SP100: variants seen among roughly 807,000 people sequenced by gnomAD.
SP100 encodes the protein SP100 nuclear body protein.
Under a neutral mutation model 130.0 loss-of-function variants are expected in SP100, and 84 were observed. The observed-to-expected ratio is 0.65, with a 90% CI of 0.54 to 0.77. SP100 has a LOEUF of 0.77. Among genes scored for constraint, SP100 ranks in the 30% least tolerant of loss-of-function variants. The pLI is 0.00. For missense variants in SP100, 978 were observed against 1,052.2 expected (o/e 0.93, Z 0.97); for synonymous variants, 331 against 351.7 (o/e 0.94, Z 0.66).
chr2:230,433,716 T>C (rs1436709565), intron 2 of SP100, among the ~76,000 whole-genome samples: 1 of 151,948 alleles, frequency 6.6e-6, no homozygotes, highest in Admixed American at 6.6e-5. Context: ...TTCAATTTAT[T>C]TTTAAATGTT....
chr2:230,440,007 AGAAG>A (rs940815709), intron 2 of SP100, among the ~76,000 whole-genome samples: 31 of 152,260 alleles, frequency 2.0e-4, no homozygotes, highest in African/African-American at 7.2e-4. Flanking sequence ...TCGAAAGGAA[AGAAG>A]GAAGGAAGGA....
At chr2:230,466,575 A>C (rs2064970468) in intron 12 of SP100, among the ~76,000 whole-genome samples, 1 of 152,218 alleles carries the variant, frequency 6.6e-6, no homozygotes, top group South Asian at 2.1e-4. Context: ...CAATGACCCC[A>C]ACACAACAGA....
chr2:230,461,536 G>C (rs2064634891), intron 9 of SP100, 122 bp downstream of exon 9: 1 of 932,736 alleles, frequency 1.1e-6, no homozygotes, highest in East Asian at 2.5e-5. Flanking sequence ...GGAAGGGAAA[G>C]GGGCTGGCAC....
chr2:230,531,263 T>C (rs914716493), intron 24 of SP100, among the ~76,000 whole-genome samples: 21 of 152,324 alleles, frequency 1.4e-4, no homozygotes, highest in Non-Finnish European at 2.6e-4. Flanking sequence ...GTTTGTGTCC[T>C]TTGCAGGGAC....
chr2:230,524,195 A>AAAAAAAAAAAAAAAAG (rs1559534582), intron 24 of SP100, among the ~76,000 whole-genome samples: 1 of 143,230 alleles, frequency 7.0e-6, no homozygotes. Context: ...AAAAAAAAAA[A>AAAAAAAAAAAAAAAAG]AAAAAAGAAA....
At chr2:230,421,553 CTA>C (rs3997231) in intron 2 of SP100, among the ~76,000 whole-genome samples, 83,747 of 147,692 alleles carry the variant, frequency 0.57, 24,016 homozygotes, top group African/African-American at 0.65. Flanking sequence ...TTGAGAGACA[CTA>C]TATATATATA....
chr2:230,429,341 T>C (rs1363812651), intron 2 of SP100, among the ~76,000 whole-genome samples: 1 of 152,220 alleles, frequency 6.6e-6, no homozygotes, highest in Non-Finnish European at 1.5e-5. Flanking sequence ...TTATGAGAGC[T>C]CTCTTATATG....
Position 230,539,341 on chromosome 2 carries a change from C to T in SP100, c.2169C>T (p.Ser723=). The T allele has an allele frequency of 6.2e-7, 1 of 1,613,918 alleles. No homozygotes were observed. Among genetic ancestry groups the T allele is most frequent in the Non-Finnish European group, 8.5e-7 (1 of 1,179,838 alleles). The change falls in exon 25 of 29, where the codon TCC becomes TCT. Residue 723 remains serine (S), a synonymous_variant. Transcript: ENST00000340126. Reference sequence around the variant, plus strand: ...TCTGCTGCGACACTTGTCCAAGATCCTTTCATGAGCACTGCCACATCCCAT... The same window carrying T: ...TCTGCTGCGACACTTGTCCAAGATCTTTTCATGAGCACTGCCACATCCCAT... ...RLFCCDTCPR[S]FHEHCHIPSV...
At chr2:230,431,547 T>C (rs1170347232) in intron 2 of SP100, among the ~76,000 whole-genome samples, 1 of 152,196 alleles carries the variant, frequency 6.6e-6, no homozygotes, top group Admixed American at 6.5e-5. Context: ...TATGGATAGT[T>C]GCTACTTAGT....
Position 230,504,233 on chromosome 2 carries a change from C to T in SP100, c.1813C>T (p.Leu605Phe). Residue 605 changes from leucine (L) to phenylalanine (F), a missense_variant, in exon 21 of 29, where the codon CTT becomes TTT. Physicochemically the swap from Leu to Phe is conservative, Grantham distance 22. Coordinates refer to ENST00000340126, the MANE Select transcript of SP100 (RefSeq NM_001080391.2). The stretch of plus-strand genomic sequence containing the variant: ...AAATATTAATTTTAAACAATCTGAA[C>T]TTCCTGTGACCTGTGGTGAGGTGAA... Reference protein sequence around the residue: ...DENINFKQSELPVTCGEVKGT... With the variant: ...DENINFKQSEFPVTCGEVKGT... The T allele has an allele frequency of 6.2e-7, 1 of 1,612,998 alleles. No individual in the cohort carries two copies. Among genetic ancestry groups the T allele is most frequent in the Non-Finnish European group, 8.5e-7 (1 of 1,179,216 alleles).
At chr2:230,419,572 T>A (rs1559477852) in intron 2 of SP100, among the ~76,000 whole-genome samples, 1 of 152,176 alleles carries the variant, frequency 6.6e-6, no homozygotes, top group Non-Finnish European at 1.5e-5. Context: ...TGAAATTTCC[T>A]GAAAGAAAAA....
Position 230,450,213 on chromosome 2 carries a change from G to A in SP100, c.778G>A (p.Ala260Thr), listed in dbSNP as rs1454197188. ...QIAVQVNNGD[A>T]GREMPCPLPC... ...TGCTGTCCAAGTGAATAATGGGGAT[G>A]CTGGAAGGGAGATGCCCTGCCCGTT... Residue 260 changes from alanine (A) to threonine (T), a missense_variant, in exon 8 of 29, where the codon GCT becomes ACT. Coordinates refer to ENST00000340126, the MANE Select transcript of SP100 (RefSeq NM_001080391.2). 2.5e-6 allele frequency: 4 copies of A among 1,613,990 alleles called. No individual in the cohort carries two copies. Among genetic ancestry groups the A allele is most frequent in the Non-Finnish European group, 3.4e-6 (4 of 1,179,908 alleles).
At position 230,511,153 on chromosome 2, in the gene SP100, T is replaced by G. The variant is rs756857828; in HGVS notation, c.2081T>G (p.Leu694Ter). Residue 694 changes from leucine to a stop codon, truncating the protein, a stop_gained, in exon 24 of 29, where the codon TTA (leucine) becomes TGA (stop). Transcript: ENST00000340126. LOFTEE classifies it high-confidence loss of function. Reference protein sequence around the residue: ...KRILESHNNTLVDPCPENSNI... With the variant: ...KRILESHNNT ...ATACTGGAATCTCACAACAATACCT[T>G]AGTTGACCCTTGTGTAAGTATAAAT... 3 of 1,609,362 alleles carry G rather than the reference T, an allele frequency of 1.9e-6. No homozygotes were observed. The East Asian group carries it at 6.7e-5, about 36-fold the overall frequency.
At chr2:230,521,902 G>A (rs535721143) in intron 24 of SP100, among the ~76,000 whole-genome samples, 2 of 152,150 alleles carry the variant, frequency 1.3e-5, no homozygotes, top group Non-Finnish European at 2.9e-5. Context: ...TCCTTTGTGG[G>A]CCCAGACAGC....
intron 24 of SP100, among the ~76,000 whole-genome samples, chr2:230,512,239 G>T (rs1445231645): frequency 1.4e-5 from 2 of 138,374 alleles, no homozygotes; most frequent in East Asian, 2.4e-4. Context: ...CACCAACAAA[G>T]TTGGGAGTAT....
intron 13 of SP100, 101 bp from the exon 14 acceptor site, chr2:230,468,942 A>G: frequency 1.5e-6 from 1 of 672,956 alleles, no homozygotes; most frequent in Non-Finnish European, 2.5e-6. Context: ...TGATCCTCAT[A>G]GAATATTTAT....
intron 2 of SP100, among the ~76,000 whole-genome samples, chr2:230,425,071 T>C (rs1209552661): frequency 6.6e-6 from 1 of 152,248 alleles, no homozygotes; most frequent in Non-Finnish European, 1.5e-5. Context: ...ATTTCATATA[T>C]GTTTATATTG....
intron 8 of SP100, 120 bp from the exon 9 acceptor site, chr2:230,461,142 C>A: frequency 2.2e-6 from 2 of 902,804 alleles, no homozygotes; most frequent in Non-Finnish European, 3.4e-6. Flanking sequence ...AAAGGAAAAA[C>A]ACGGAGGTGG....
intron 16 of SP100, among the ~76,000 whole-genome samples, chr2:230,473,641 G>A (rs1401861657): frequency 6.6e-6 from 1 of 152,182 alleles, no homozygotes; most frequent in East Asian, 1.9e-4. Context: ...GCACTTGACT[G>A]TGAGCAGACT....
Sources: gnomAD v4.1 joint callset for allele counts (sites outside exome capture counted in the v4.1 genomes callset) on GRCh38, gnomAD v4.1.1 for gene constraint, MANE v1.5 for transcripts, NCBI Gene and HGNC (gene_info 2026-07-23, HGNC 2026-07-21) for gene names.